Variants in VAC14 observed in about 807,000 individuals in gnomAD.
VAC14 encodes the protein VAC14 component of PIKFYVE complex.
VAC14 carries 47 observed loss-of-function variants against 85.3 expected under a neutral mutation model. The ratio of observed to expected loss-of-function variants is 0.55; its 90% CI spans 0.44 to 0.70. VAC14 has a LOEUF of 0.70. VAC14 is among the 30% of genes least tolerant of loss of function. VAC14 has a pLI of 0.00. For synonymous variants in VAC14, 447 were observed against 430.5 expected (o/e 1.04, Z -0.47); for missense variants, 861 against 1,004.3 (o/e 0.86, Z 1.93).
chr16:70,689,727 G>A (rs1035135855), intron 18 of VAC14: 3 of 985,494 alleles, frequency 3.0e-6, no homozygotes, highest in African/African-American at 1.7e-5. Context: ...GTTCAACAAA[G>A]ATCAAAAGCA....
At chr16:70,791,207 A>G (rs909521759) in intron 1 of VAC14, among the ~76,000 whole-genome samples, 3 of 152,176 alleles carry the variant, frequency 2.0e-5, no homozygotes, top group Admixed American at 6.5e-5. Flanking sequence ...CTGGTCCCTT[A>G]AACATTCTAC....
At chr16:70,691,588 C>T (rs2053597128) in intron 18 of VAC14, 1 of 985,488 alleles carries the variant, frequency 1.0e-6, no homozygotes. Context: ...CTGGGGACCA[C>T]CTGGCAGCAC....
chr16:70,739,259 G>A (rs1567554236), intron 13 of VAC14, among the ~76,000 whole-genome samples: 1 of 152,220 alleles, frequency 6.6e-6, no homozygotes, highest in African/African-American at 2.4e-5. Flanking sequence ...TGACCCCAGT[G>A]CTCGTGATCC....
intron 14 of VAC14, among the ~76,000 whole-genome samples, chr16:70,729,248 C>T (rs744844): frequency 1.7e-3 from 264 of 152,318 alleles, no homozygotes; most frequent in Middle Eastern, 6.8e-3. Flanking sequence ...CCAATGCCAA[C>T]GGCGCTGAGT....
chr16:70,697,035 A>C, intron 16 of VAC14, 104 bp downstream of exon 16: 1 of 872,002 alleles, frequency 1.1e-6, no homozygotes, highest in Non-Finnish European at 1.9e-6. Context: ...AGGGGTGGGG[A>C]CAGGAGCATG....
In VAC14 at chr16:70,688,094, G is replaced by A. The variant is rs1488007886; in HGVS notation, c.2187-4C>T. 1.5e-5 allele frequency: 23 copies of A among 1,557,598 alleles called. No homozygotes were observed. Among genetic ancestry groups the A allele is most frequent in the Non-Finnish European group, 2.0e-5 (23 of 1,145,930 alleles). On this transcript the variant is annotated splice_region_variant and splice_polypyrimidine_tract_variant and intron_variant, in intron 18 of 18. Transcript: ENST00000261776. ...GGGGGCTGCCTTTAGACTGTCTCTG[G>A]GAAGAGGGAGCAGAAATGCTCAGTG...
At chr16:70,725,153 G>A (rs749321760) in intron 14 of VAC14, among the ~76,000 whole-genome samples, 171 of 152,356 alleles carry the variant, frequency 1.1e-3, no homozygotes, top group South Asian at 3.5e-3. Context: ...ATGGGCTTCT[G>A]GGGGCCCGGC....
rs759272238 is a variant in VAC14 at position 70,697,271 on chromosome 16, G to A, written c.1837-14C>T. On this transcript the variant is annotated splice_polypyrimidine_tract_variant and intron_variant, in intron 15 of 18. Coordinates refer to ENST00000261776, the MANE Select transcript of VAC14 (RefSeq NM_018052.5). ...GTTCTGGCTCTCCTGTGGGGGAACA[G>A]GCATGAGCCGTGAGGACACGCCTGC... The A allele has an allele frequency of 1.2e-6, 2 of 1,608,882 alleles. No individual in the cohort carries two copies. Among genetic ancestry groups the A allele is most frequent in the South Asian group, 2.2e-5 (2 of 90,930 alleles).
intron 12 of VAC14, chr16:70,755,921 A>T: frequency 2.3e-6 from 1 of 434,502 alleles, no homozygotes; most frequent in Non-Finnish European, 4.6e-6. Flanking sequence ...TCCTCCCACC[A>T]TTCCTCACAG....
intron 16 of VAC14, among the ~76,000 whole-genome samples, chr16:70,696,163 A>G (rs992605307): frequency 2.0e-5 from 3 of 152,116 alleles, no homozygotes; most frequent in African/African-American, 7.2e-5. Flanking sequence ...TAGCACTCCA[A>G]TCCTGGGTTA....
At chr16:70,765,924 G>A (rs1020747744) in intron 10 of VAC14, among the ~76,000 whole-genome samples, 24 of 152,158 alleles carry the variant, frequency 1.6e-4, no homozygotes, top group African/African-American at 4.8e-4. Flanking sequence ...TTGAGGCCAT[G>A]AGTTTGAGAC....
At chr16:70,715,980 G>A (rs889380428) in intron 14 of VAC14, 41 of 152,258 alleles carry the variant, frequency 2.7e-4, no homozygotes, top group African/African-American at 9.2e-4. Flanking sequence ...ATTTCAGGCA[G>A]CCTTTAAAAG....
intron 17 of VAC14, among the ~76,000 whole-genome samples, chr16:70,694,831 C>G (rs1003753147): frequency 6.6e-6 from 1 of 152,256 alleles, no homozygotes; most frequent in Non-Finnish European, 1.5e-5. Context: ...AATGCCAACT[C>G]TTCTTTCAGA....
intron 9 of VAC14, among the ~76,000 whole-genome samples, chr16:70,777,971 T>C (rs1167976029): frequency 6.6e-6 from 1 of 152,108 alleles, no homozygotes; most frequent in Admixed American, 6.5e-5. Flanking sequence ...GGTAAAAGAC[T>C]GGTGATTAGT....
intron 13 of VAC14, among the ~76,000 whole-genome samples, chr16:70,743,400 T>G (rs1008580192): frequency 6.6e-6 from 1 of 152,254 alleles, no homozygotes; most frequent in Non-Finnish European, 1.5e-5. Flanking sequence ...TCGGGTCCCC[T>G]TCCACGCTGT....
rs201630961 is a variant in VAC14, at chr16:70,687,991, G to A, written c.2286C>T (p.His762=). 1 of 1,602,490 alleles carries A rather than the reference G, an allele frequency of 6.2e-7. No individual in the cohort carries two copies. Among genetic ancestry groups the A allele is most frequent in the Admixed American group, 1.7e-5 (1 of 59,226 alleles). ...CGCTCCGCTGGTGCCGCACTTCCAG[G>A]TGCTTGTTCTGGACCTTCTCAAAGT... The part of the protein sequence containing the change: ...LQHFEKVQNK[H]LEVRHQRSGR... Residue 762 remains histidine, a synonymous_variant, in exon 19 of 19, where the codon CAC becomes CAT. Coordinates refer to ENST00000261776, the MANE Select transcript of VAC14 (RefSeq NM_018052.5).
At chr16:70,767,293 C>T (rs778042878) in intron 10 of VAC14, among the ~76,000 whole-genome samples, 8 of 152,130 alleles carry the variant, frequency 5.3e-5, no homozygotes, top group Non-Finnish European at 1.0e-4. Context: ...ATTTCTGTAA[C>T]GTCTAACTTT....
At chr16:70,733,542 A>G (rs1359671003) in intron 13 of VAC14, among the ~76,000 whole-genome samples, 1 of 151,708 alleles carries the variant, frequency 6.6e-6, no homozygotes. Flanking sequence ...ATGGGGGTGG[A>G]TTTCTCATGA....
chr16:70,760,647 G>A lies in VAC14; in HGVS notation c.1371+1893C>T, dbSNP rs1218403326. ...ACAACATTTGGCACTTCAGCAAATC[G>A]AGTTTCCACAGCCACAGCCTGAACA... On this transcript the variant is annotated intron_variant, in intron 12 of 18. Transcript: ENST00000261776. 3.3e-5 allele frequency among the ~76,000 whole-genome samples: 5 copies of A among 152,108 alleles called. No individual in the cohort carries two copies. In the East Asian group the frequency reaches 5.8e-4, roughly 18 times the overall value.
Sources: allele counts gnomAD v4.1 joint callset (sites outside exome capture counted in the v4.1 genomes callset), GRCh38; gene constraint gnomAD v4.1.1; transcripts MANE v1.5; gene names NCBI Gene and HGNC (gene_info 2026-07-23, HGNC 2026-07-21).